The following DLGAP2 variants were observed in gnomAD, a reference collection of about 807,000 sequenced individuals.
DLGAP2 encodes the protein DLG associated protein 2.
DLGAP2 carries 26 observed loss-of-function variants against 100.3 expected under a neutral mutation model. The observed-to-expected ratio is 0.26, with a 90% confidence interval of 0.19 to 0.36. DLGAP2 has a LOEUF of 0.36. Among genes scored for constraint, DLGAP2 ranks in the 10% least tolerant of loss-of-function variants. The probability of loss-of-function intolerance (pLI) is 1.00; values close to 1 mark genes in which losing one functional copy is unlikely to be tolerated. For synonymous variants in DLGAP2, 886 were observed against 630.1 expected (o/e 1.41, Z -6.08); for missense variants, 1,858 against 1,453.2 (o/e 1.28, Z -4.53).
At chr8:1,059,870 G>A (rs1803022153) in intron 2 of DLGAP2, among the ~76,000 whole-genome samples, 1 of 152,160 alleles carries the variant, frequency 6.6e-6, no homozygotes, top group African/African-American at 2.4e-5. Flanking sequence ...GAGAGTCGGG[G>A]GCGGTCGCGA....
At chr8:937,149 C>T (rs1423542893) in intron 2 of DLGAP2, among the ~76,000 whole-genome samples, 1 of 152,160 alleles carries the variant, frequency 6.6e-6, no homozygotes, top group African/African-American at 2.4e-5. Context: ...TCAAGTCTCC[C>T]TCGCTCGCCT....
At chr8:1,093,874 C>T (rs919373679) in intron 2 of DLGAP2, among the ~76,000 whole-genome samples, 33 of 152,214 alleles carry the variant, frequency 2.2e-4, no homozygotes, top group Admixed American at 1.8e-3. Flanking sequence ...TCAAAGGTGA[C>T]GATGGGTGCC....
chr8:1,559,241 T>A (rs1263759157), intron 5 of DLGAP2, among the ~76,000 whole-genome samples: 1 of 152,108 alleles, frequency 6.6e-6, no homozygotes, highest in East Asian at 1.9e-4. Context: ...ATTTGCAGAG[T>A]CTGGTAGCCG....
chr8:1,661,927 G>A (rs1028203187), intron 8 of DLGAP2, among the ~76,000 whole-genome samples: 1 of 152,228 alleles, frequency 6.6e-6, no homozygotes, highest in African/African-American at 2.4e-5. Flanking sequence ...CTCACAGTAT[G>A]GTGAGCCTGG....
At chr8:1,436,582 C>T (rs1239596921) in intron 3 of DLGAP2, among the ~76,000 whole-genome samples, 1 of 152,168 alleles carries the variant, frequency 6.6e-6, no homozygotes, top group Non-Finnish European at 1.5e-5. Context: ...CCATATTAAC[C>T]ATCACAGTAT....
At chr8:1,378,462 A>C (rs568242384) in intron 3 of DLGAP2, among the ~76,000 whole-genome samples, 1 of 141,330 alleles carries the variant, frequency 7.1e-6, no homozygotes, top group East Asian at 2.2e-4. Context: ...CGCACACCTG[A>C]CTTCGCCTGT....
chr8:968,187 T>G (rs903478114), intron 2 of DLGAP2, among the ~76,000 whole-genome samples: 1 of 152,074 alleles, frequency 6.6e-6, no homozygotes, highest in Non-Finnish European at 1.5e-5. Context: ...ATATCTGACT[T>G]TTACTGAATA....
intron 1 of DLGAP2, among the ~76,000 whole-genome samples, chr8:902,999 G>C (rs1383958573): frequency 9.4e-6 from 1 of 106,686 alleles, no homozygotes. Flanking sequence ...GGGGCGGAAA[G>C]TGTGTGGGTG....
intron 2 of DLGAP2, among the ~76,000 whole-genome samples, chr8:1,135,601 A>G (rs1218310617): frequency 2.8e-5 from 4 of 141,026 alleles, no homozygotes; most frequent in Non-Finnish European, 4.5e-5. Context: ...TGGCACACCT[A>G]AGGGGAACGA....
In DLGAP2 at chr8:773,663, C is replaced by G. The variant is rs561701592; in HGVS notation, c.18+35838C>G. ...ATTTCCAATTTCATCCATGTCCCTA[C>G]AAAGGACATGAACTCATCATTTTTT... On this transcript the variant is annotated intron_variant, in intron 1 of 14. Coordinates refer to ENST00000637795, the MANE Select transcript of DLGAP2 (RefSeq NM_001346810.2). 4.5e-3 allele frequency among the ~76,000 whole-genome samples: 683 copies of G among 151,950 alleles called. 1 individual carries two copies. The highest frequency in any genetic ancestry group is 7.3e-3 in the Non-Finnish European group (495 of 67,976).
chr8:1,558,361 C>G (rs1378694691), intron 5 of DLGAP2, among the ~76,000 whole-genome samples: 1 of 152,186 alleles, frequency 6.6e-6, no homozygotes, highest in East Asian at 1.9e-4. Context: ...AACTCACAGC[C>G]CCAGAAGAGA....
At position 1,651,600 on chromosome 8, in the gene DLGAP2, C is replaced by G. The variant is rs544464969; in HGVS notation, c.1811-16729C>G. The stretch of plus-strand genomic sequence containing the variant: ...GGAATATGCCCTGCCATGACCACCC[C>G]ACTCCTGCCGGGCTCCTGCCTGGCC... On this transcript the variant is annotated intron_variant, in intron 8 of 14. Coordinates refer to ENST00000637795, the MANE Select transcript of DLGAP2 (RefSeq NM_001346810.2). Among the ~76,000 whole-genome samples, 4 of 152,302 alleles carry G rather than the reference C, an allele frequency of 2.6e-5. No individual in the cohort carries two copies. The South Asian group carries it at 6.2e-4, about 24-fold the overall frequency.
intron 3 of DLGAP2, among the ~76,000 whole-genome samples, chr8:1,428,326 A>G (rs1797295106): frequency 6.6e-6 from 1 of 152,172 alleles, no homozygotes; most frequent in African/African-American, 2.4e-5. Context: ...TTGTCTAAAA[A>G]ATAAAATTGA....
At chr8:990,177 C>T (rs2701924) in intron 2 of DLGAP2, among the ~76,000 whole-genome samples, 122,777 of 151,996 alleles carry the variant, frequency 0.81, 50,146 homozygotes, top group Admixed American at 0.86. Context: ...TATTAGTGGT[C>T]CATTCTTTTT....
At chr8:855,643 T>G (rs1225799431) in intron 1 of DLGAP2, among the ~76,000 whole-genome samples, 1 of 152,120 alleles carries the variant, frequency 6.6e-6, no homozygotes. Flanking sequence ...TGTATTTGGT[T>G]GGGGAAAGAA....
intron 3 of DLGAP2, among the ~76,000 whole-genome samples, chr8:1,330,687 T>G (rs561561142): frequency 1.4e-5 from 2 of 139,802 alleles, no homozygotes; most frequent in Non-Finnish European, 3.0e-5. Flanking sequence ...TCATGGGGAC[T>G]GAGTTCTGGG....
intron 3 of DLGAP2, among the ~76,000 whole-genome samples, chr8:1,370,761 C>T (rs1211648492): frequency 6.6e-6 from 1 of 152,202 alleles, no homozygotes; most frequent in Non-Finnish European, 1.5e-5. Flanking sequence ...ACTCGGCACC[C>T]AGGCTCTGAG....
intron 3 of DLGAP2, among the ~76,000 whole-genome samples, chr8:1,479,283 C>T (rs992435572): frequency 2.0e-5 from 3 of 152,196 alleles, no homozygotes; most frequent in Non-Finnish European, 4.4e-5. Flanking sequence ...GGATTGGGGG[C>T]GGTGGGGACA....
chr8:1,674,337 G>T (rs1016621846), intron 10 of DLGAP2, among the ~76,000 whole-genome samples: 2 of 152,188 alleles, frequency 1.3e-5, no homozygotes, highest in Admixed American at 6.5e-5. Flanking sequence ...GAGCCACCAT[G>T]CCCAGCTCCA....
Sources: allele counts gnomAD v4.1 joint callset (sites outside exome capture counted in the v4.1 genomes callset), GRCh38; gene constraint gnomAD v4.1.1; transcripts MANE v1.5; gene names NCBI Gene and HGNC (gene_info 2026-07-23, HGNC 2026-07-21).